LNX2: variants seen among roughly 807,000 people sequenced by gnomAD.
LNX2 encodes the protein ligand of numb-protein X 2.
LNX2 carries 35 observed loss-of-function variants against 66.2 expected under a neutral mutation model. The observed-to-expected ratio is 0.53, with a 90% CI of 0.40 to 0.70. The LOEUF is 0.70. Ranked by LOEUF, LNX2 falls within the 30% of genes least tolerant of loss-of-function variation. LNX2 has a pLI of 0.00. For missense variants in LNX2, 791 were observed against 850.8 expected (o/e 0.93, Z 0.87); for synonymous variants, 337 against 315.6 (o/e 1.07, Z -0.72).
At chr13:27,555,212 G>A (rs887936600) in intron 7 of LNX2, among the ~76,000 whole-genome samples, 7 of 152,222 alleles carry the variant, frequency 4.6e-5, no homozygotes, top group Non-Finnish European at 2.9e-5. Context: ...GCCTCCCAAA[G>A]TGGTGAGATT....
At chr13:27,598,842 C>T (rs902680193) in intron 1 of LNX2, among the ~76,000 whole-genome samples, 1 of 152,076 alleles carries the variant, frequency 6.6e-6, no homozygotes, top group Non-Finnish European at 1.5e-5. Context: ...TACATATACA[C>T]ATATATGTTT....
At chr13:27,604,839 A>G (rs992644265) in intron 1 of LNX2, among the ~76,000 whole-genome samples, 3 of 147,252 alleles carry the variant, frequency 2.0e-5, no homozygotes, top group Non-Finnish European at 4.5e-5. Context: ...TATTATTATT[A>G]AGTTATTTCT....
intron 1 of LNX2, among the ~76,000 whole-genome samples, chr13:27,592,105 T>TA (rs939984605): frequency 6.6e-6 from 1 of 152,182 alleles, no homozygotes; most frequent in African/African-American, 2.4e-5. Flanking sequence ...TTGTAGGGCC[T>TA]AAAAAACTTT....
chr13:27,573,139 T>C (rs938232049), intron 2 of LNX2, among the ~76,000 whole-genome samples: 1 of 152,060 alleles, frequency 6.6e-6, no homozygotes, highest in Admixed American at 6.6e-5. Flanking sequence ...GCATTTGAGT[T>C]TACCCTATTT....
intron 2 of LNX2, among the ~76,000 whole-genome samples, chr13:27,570,012 T>A (rs1438421666): frequency 2.0e-5 from 3 of 152,196 alleles, no homozygotes; most frequent in Non-Finnish European, 1.5e-5. Flanking sequence ...AGCCGATGGA[T>A]GCTTGTTTTT....
rs533671624 is a variant in LNX2 at position 27,604,011 on chromosome 13, T to C, written c.-101+16364A>G. Among the ~76,000 whole-genome samples, 28 of 149,592 alleles carry C rather than the reference T, an allele frequency of 1.9e-4. No homozygotes were observed. In the East Asian group the frequency reaches 3.5e-3, roughly 19 times the overall value. On this transcript the variant is annotated intron_variant, in intron 1 of 9. Transcript: ENST00000316334. ...GGCTCACACCTGTAATCCCAGCACG[T>C]TGGGAGGCTGAGGCCAGTGGATTAC...
At chr13:27,577,799 T>C (rs376945731) in intron 2 of LNX2, among the ~76,000 whole-genome samples, 29 of 152,194 alleles carry the variant, frequency 1.9e-4, no homozygotes, top group African/African-American at 7.0e-4. Context: ...CAACAACAAC[T>C]AGCACTTACA....
At chr13:27,582,006 G>C (rs1389780456) in intron 1 of LNX2, among the ~76,000 whole-genome samples, 1 of 152,082 alleles carries the variant, frequency 6.6e-6, no homozygotes. Context: ...TTTATTATAA[G>C]TTTTAATTGT....
chr13:27,552,600 GA>G (rs1955019156), intron 8 of LNX2, among the ~76,000 whole-genome samples: 1 of 152,134 alleles, frequency 6.6e-6, no homozygotes, highest in Non-Finnish European at 1.5e-5. Flanking sequence ...AACAACCGCG[GA>G]AAGGAATGTA....
At chr13:27,557,546 T>A (rs1468286903) in intron 6 of LNX2, among the ~76,000 whole-genome samples, 1 of 152,090 alleles carries the variant, frequency 6.6e-6, no homozygotes, top group Admixed American at 6.5e-5. Context: ...TAAGAGAATG[T>A]TGTAGATAAT....
chr13:27,609,695 TTAA>T (rs570987777), intron 1 of LNX2, among the ~76,000 whole-genome samples: 73 of 152,314 alleles, frequency 4.8e-4, no homozygotes, highest in African/African-American at 1.4e-3. Flanking sequence ...TGACTGATGT[TTAA>T]TAACAGTACT....
At chr13:27,576,465 C>G (rs536329856) in intron 2 of LNX2, among the ~76,000 whole-genome samples, 2 of 152,060 alleles carry the variant, frequency 1.3e-5, no homozygotes, top group South Asian at 2.1e-4. Flanking sequence ...GCCTGTAATC[C>G]TAGCTCTTCG....
At chr13:27,564,762 G>A (rs1466723973) in intron 4 of LNX2, among the ~76,000 whole-genome samples, 2 of 152,102 alleles carry the variant, frequency 1.3e-5, no homozygotes, top group African/African-American at 4.8e-5. Context: ...CTGCCTCTTC[G>A]AGATTTTCAA....
At position 27,618,007 on chromosome 13, in the gene LNX2, C is replaced by T. The variant is rs145402458; in HGVS notation, c.-101+2368G>A. Among the ~76,000 whole-genome samples, 639 of 152,308 alleles carry T rather than the reference C, an allele frequency of 4.2e-3. 7 individuals carry two copies. The highest frequency in any genetic ancestry group is 0.013 in the South Asian group (63 of 4,824). The stretch of plus-strand genomic sequence containing the variant: ...TTCCTCAAACCCTACTCAACAGGTA[C>T]GACAATCATTTCCCAAATGTTAGGA... On this transcript the variant is annotated intron_variant, in intron 1 of 9. Coordinates refer to ENST00000316334, the MANE Select transcript of LNX2 (RefSeq NM_153371.4).
chr13:27,615,364 CCT>C (rs1955815294), intron 1 of LNX2, among the ~76,000 whole-genome samples: 1 of 152,208 alleles, frequency 6.6e-6, no homozygotes, highest in South Asian at 2.1e-4. Flanking sequence ...GCGTCCATGC[CCT>C]CTCTGGGGCG....
rs1566124653 is a variant in LNX2 at position 27,583,205 on chromosome 13, T to TGCGCGCGCGCGC, written c.-100-1403_-100-1402insGCGCGCGCGCGC. Among the ~76,000 whole-genome samples, 29 of 22,076 alleles carry TGCGCGCGCGCGC rather than the reference T, an allele frequency of 1.3e-3. 3 individuals carry two copies. Among genetic ancestry groups the TGCGCGCGCGCGC allele is most frequent in the African/African-American group, 5.1e-3 (27 of 5,344 alleles). 14.5% of individuals were successfully genotyped at this position (22,076 alleles called of 152,430 possible). A position where few individuals can be genotyped will look rare whatever the true frequency, so the allele number is the denominator to read the frequency against. ...GTGTGTGTGTGTGTGTGTGTGTGTGTGTGTGTGTGTGTGTGTGTGTGTGTG... is the reference window on the plus strand; with the variant it reads ...GTGTGTGTGTGTGTGTGTGTGTGTGTGCGCGCGCGCGCGTGTGTGTGTGTGTGTGTGTGTGTG... On this transcript the variant is annotated intron_variant, in intron 1 of 9. Transcript: ENST00000316334.
At chr13:27,561,016 C>T (rs1292342803) in intron 5 of LNX2, among the ~76,000 whole-genome samples, 3 of 151,930 alleles carry the variant, frequency 2.0e-5, no homozygotes, top group Non-Finnish European at 4.4e-5. Flanking sequence ...TTTTAAAATC[C>T]AAAAACAATA....
chr13:27,592,360 GA>G (rs540629260), intron 1 of LNX2, among the ~76,000 whole-genome samples: 1 of 152,162 alleles, frequency 6.6e-6, no homozygotes, highest in African/African-American at 2.4e-5. Context: ...TGGGAGGGGG[GA>G]AAGTCAAGGA....
chr13:27,600,976 T>C (rs554837229), intron 1 of LNX2, among the ~76,000 whole-genome samples: 1 of 152,356 alleles, frequency 6.6e-6, no homozygotes, highest in African/African-American at 2.4e-5. Flanking sequence ...TATCTTCCTT[T>C]AACCATATTA....
Sources: allele counts gnomAD v4.1 joint callset (sites outside exome capture counted in the v4.1 genomes callset), GRCh38; gene constraint gnomAD v4.1.1; transcripts MANE v1.5; gene names NCBI Gene and HGNC (gene_info 2026-07-23, HGNC 2026-07-21).